The following SLC25A29 variants were observed in gnomAD, a reference collection of about 807,000 sequenced individuals.
The protein encoded by SLC25A29 is solute carrier family 25 member 29.
In SLC25A29, 13 loss-of-function variants were observed where a neutral mutation model predicts 10.0. The ratio of observed to expected loss-of-function variants is 1.30; its 90% CI spans 0.85 to 2.07. The LOEUF is 2.07. Among genes scored for constraint, SLC25A29 ranks in the 30% most tolerant of loss-of-function variants. SLC25A29 has a pLI of 0.00. For missense variants in SLC25A29, 475 were observed against 447.6 expected, an observed-to-expected ratio of 1.06 and a Z score of -0.55; for synonymous variants, 244 against 221.1, an observed-to-expected ratio of 1.10 and a Z score of -0.92.
Position 100,297,689 on chromosome 14 carries a change from G to GC in SLC25A29, c.78+1152dup, listed in dbSNP as rs1195806897. Reference sequence around the variant, plus strand: ...GCCTCACTCTCGGCAGGCCGGTGCAGCAAACGTGGGGCCGCTGCCTGCCAA... The same window carrying GC: ...GCCTCACTCTCGGCAGGCCGGTGCAGCCAAACGTGGGGCCGCTGCCTGCCAA... On this transcript the variant is annotated intron_variant, in intron 2 of 3. Transcript: ENST00000359232. Among the ~76,000 whole-genome samples, 7 of 152,358 alleles carry GC rather than the reference G, an allele frequency of 4.6e-5. No individual in the cohort carries two copies. In the East Asian group the frequency reaches 9.6e-4, roughly 21 times the overall value.
At chr14:100,286,140 C>T (rs556596892), downstream of SLC25A29, among the ~76,000 whole-genome samples, 88 of 152,298 alleles carry the variant, frequency 5.8e-4, no homozygotes, top group African/African-American at 2.1e-3. Flanking sequence ...TTCCCTGGCC[C>T]GTCTCTGTAT....
chr14:100,292,329 G>T lies in SLC25A29; in HGVS notation c.866C>A (p.Pro289His). The T allele has an allele frequency of 6.7e-7, 1 of 1,500,788 alleles. No homozygotes were observed. Among genetic ancestry groups the T allele is most frequent in the South Asian group, 1.3e-5 (1 of 78,262 alleles). The allele number at this position is 1,500,788 out of a possible 1,614,324, so 93.0% of individuals were successfully genotyped here. Reference sequence around the variant, plus strand: ...CAGGGCAGGCCCCGCAGGGGCGGCGGGCACAGCCTCGCCCTCGGGCCCGGC... The same window carrying T: ...CAGGGCAGGCCCCGCAGGGGCGGCGTGCACAGCCTCGCCCTCGGGCCCGGC... ...EEAGPEGEAV[P>H]AAPAGPALAQ... Residue 289 changes from proline (P) to histidine (H), a missense_variant, in exon 4 of 4, where the codon CCC becomes CAC. Pro to His is a moderately conservative substitution (Grantham distance 77). Transcript: ENST00000359232.
At chr14:100,287,634 C>CA (rs373667464), downstream of SLC25A29, among the ~76,000 whole-genome samples, 41 of 112,248 alleles carry the variant, frequency 3.7e-4, 3 homozygotes, top group African/African-American at 1.3e-3. Flanking sequence ...CACCACCCCC[C>CA]CCCTCCGAAT....
chr14:100,290,903 C>T (rs1304691551), downstream of SLC25A29, among the ~76,000 whole-genome samples: 1 of 152,248 alleles, frequency 6.6e-6, no homozygotes, highest in Non-Finnish European at 1.5e-5. Context: ...GCTGAATGGC[C>T]AGGCTGCACC....
chr14:100,300,511 T>C (rs186549514), intron 1 of SLC25A29, among the ~76,000 whole-genome samples: 23 of 152,254 alleles, frequency 1.5e-4, no homozygotes, highest in Non-Finnish European at 3.2e-4. Flanking sequence ...GCCTCCCAAG[T>C]AGCTGAGACA....
intron 1 of SLC25A29, among the ~76,000 whole-genome samples, chr14:100,302,922 ACTT>A (rs1290134995): frequency 6.6e-6 from 1 of 152,102 alleles, no homozygotes; most frequent in Admixed American, 6.5e-5. Flanking sequence ...CTCTACCAAC[ACTT>A]TCACTGTGCA....
At chr14:100,285,103 G>A in the SLC25A29 span, among the ~76,000 whole-genome samples, 12 of 152,066 alleles carry the variant, frequency 7.9e-5, 1 homozygote, top group South Asian at 1.7e-3. Context: ...CGGGGTCTGA[G>A]CACGCCCCTC....
intron 1 of SLC25A29, chr14:100,299,403 C>A (rs762537188): frequency 1.6e-5 from 16 of 997,096 alleles, no homozygotes; most frequent in Non-Finnish European, 1.7e-5. Flanking sequence ...CTCCCTCCCC[C>A]AGAGTGGCCA....
chr14:100,292,574 G>A lies in SLC25A29; in HGVS notation c.621C>T (p.Thr207=), dbSNP rs749655152. 23 of 1,603,506 alleles carry A rather than the reference G, an allele frequency of 1.4e-5. No homozygotes were observed. The highest frequency in any genetic ancestry group is 1.6e-4 in the Middle Eastern group (1 of 6,074). ...GCGACTTGACCACGTCCACAGGATAGGTAGAGAGCCAGGACACGATGCCTG... is the reference window on the plus strand; with the variant it reads ...GCGACTTGACCACGTCCACAGGATAAGTAGAGAGCCAGGACACGATGCCTG... ...GTSGIVSWLS[T]YPVDVVKSRL... is the part of the protein sequence containing the mutation. The change falls in exon 4 of 4, where the codon ACC becomes ACT. Residue 207 remains threonine, a synonymous_variant. Transcript: ENST00000359232.
In SLC25A29 at chr14:100,292,345, C is replaced by T. The variant is rs1052412501; in HGVS notation, c.850G>A (p.Glu284Lys). 11 of 1,489,500 alleles carry T rather than the reference C, an allele frequency of 7.4e-6. No homozygotes were observed. In the African/African-American group the frequency reaches 1.4e-4, roughly 19 times the overall value. 92.3% of individuals were successfully genotyped at this position (1,489,500 alleles called of 1,614,324 possible). Residue 284 changes from glutamate (E) to lysine (K), a missense_variant, in exon 4 of 4, where the codon GAG becomes AAG. Glu to Lys is a moderately conservative substitution (Grantham distance 56, BLOSUM62 1). Transcript: ENST00000359232. ...GGGGCGGCGGGCACAGCCTCGCCCT[C>T]GGGCCCGGCCTCCTCGCCGCGCGCG... ...TYARGEEAGP[E>K]GEAVPAAPAG... is the part of the protein sequence containing the mutation.
At chr14:100,281,786 G>GT in the SLC25A29 span, 1 of 152,176 alleles carries the variant, frequency 6.6e-6, no homozygotes, top group African/African-American at 2.4e-5. Flanking sequence ...AGATGCCCTG[G>GT]TTGCCTGAAG....
At chr14:100,298,212 A>G (rs6575769) in intron 2 of SLC25A29, 144,282 of 155,386 alleles carry the variant, frequency 0.93, 67,872 homozygotes, top group Non-Finnish European at 1. Flanking sequence ...GAAAAAGAGC[A>G]AGGAAGGGCC....
chr14:100,292,311 G>C lies in SLC25A29; in HGVS notation c.884C>G (p.Pro295Arg), dbSNP rs577184320. Residue 295 changes from proline to arginine, a missense_variant, in exon 4 of 4, where the codon CCT becomes CGT. Pro to Arg is a moderately radical substitution (Grantham distance 103). Coordinates refer to ENST00000359232, the MANE Select transcript of SLC25A29 (RefSeq NM_001039355.3). ...CAGGCTGGAGGGCTGCGCCAGGGCA[G>C]GCCCCGCAGGGGCGGCGGGCACAGC... Reference protein sequence around the residue: ...GEAVPAAPAGPALAQPSSL With the variant: ...GEAVPAAPAGRALAQPSSL 1.3e-4 allele frequency: 200 copies of C among 1,517,110 alleles called. 2 individuals are homozygous for C. The African/African-American group carries it at 2.6e-3, about 20-fold the overall frequency. 94.0% of individuals were successfully genotyped at this position (1,517,110 alleles called of 1,614,324 possible). A position where few individuals can be genotyped will look rare whatever the true frequency, so the allele number is the denominator to read the frequency against.
intron 1 of SLC25A29, among the ~76,000 whole-genome samples, chr14:100,301,440 C>G (rs535498669): frequency 8.1e-4 from 123 of 152,306 alleles, no homozygotes; most frequent in African/African-American, 2.9e-3. Context: ...GCTGGGATTA[C>G]AGGCGTGAGC....
chr14:100,290,029 AGG>A (rs1206150374), downstream of SLC25A29, among the ~76,000 whole-genome samples: 1 of 152,160 alleles, frequency 6.6e-6, no homozygotes, highest in Non-Finnish European at 1.5e-5. Flanking sequence ...TCACTTCTGA[AGG>A]GCTGGCCTGT....
Position 100,293,326 on chromosome 14 carries a change from G to A in SLC25A29, c.130C>T (p.His44Tyr), listed in dbSNP as rs554235596. 1.2e-6 allele frequency: 2 copies of A among 1,613,412 alleles called. No homozygotes were observed. Among genetic ancestry groups the A allele is most frequent in the African/African-American group, 1.3e-5 (1 of 75,058 alleles). Residue 44 changes from histidine to tyrosine, a missense_variant, in exon 3 of 4, where the codon CAC (histidine) becomes TAC (tyrosine). By Grantham distance (83) the His-to-Tyr change is moderately conservative. Transcript: ENST00000359232. ...TGCTTGATGATGGACTTGAAGCAGT[G>A]CAACGTCCCGCGGTACTGAGGCTTC... ...VEKPQYRGTL[H>Y]CFKSIIKQES...
rs1891879996 is a variant in SLC25A29 at position 100,293,095 on chromosome 14, G to A, written c.163-63C>T. Reference sequence around the variant, plus strand: ...CACCTCCCGGGCCCTCCACGCGGAAGGGGGTCGGGGGATGGCAGCCCCAGC... The same window carrying A: ...CACCTCCCGGGCCCTCCACGCGGAAAGGGGTCGGGGGATGGCAGCCCCAGC... On this transcript the variant is annotated intron_variant, in intron 3 of 3. Transcript: ENST00000359232. The A allele has an allele frequency of 2.0e-6, 3 of 1,465,926 alleles. No homozygotes were observed. The East Asian group carries it at 7.4e-5, about 36-fold the overall frequency. The allele number at this position is 1,465,926 out of a possible 1,614,324, so 90.8% of individuals were successfully genotyped here.
chr14:100,288,754 CAA>C (rs1891598138), downstream of SLC25A29, among the ~76,000 whole-genome samples: 1 of 152,156 alleles, frequency 6.6e-6, no homozygotes, highest in Admixed American at 6.6e-5. Context: ...GCAAATCAAG[CAA>C]AGTTTATCCA....
rs1457242671 is a variant in SLC25A29 at position 100,298,792 on chromosome 14, C to G, written c.78+50G>C. ...CTTCCAGCCACCCCAACCCTGTGAGCCTCTCTCCAATGTACGCGCCGAGGA... is the reference window on the plus strand; with the variant it reads ...CTTCCAGCCACCCCAACCCTGTGAGGCTCTCTCCAATGTACGCGCCGAGGA... On this transcript the variant is annotated intron_variant, in intron 2 of 3. Transcript: ENST00000359232. The G allele has an allele frequency of 3.1e-6, 5 of 1,613,086 alleles. No homozygotes were observed. The East Asian group carries it at 1.1e-4, about 36-fold the overall frequency.
Sources: allele counts gnomAD v4.1 joint callset (sites outside exome capture counted in the v4.1 genomes callset), GRCh38; gene constraint gnomAD v4.1.1; transcripts MANE v1.5; gene names NCBI Gene and HGNC (gene_info 2026-07-23, HGNC 2026-07-21).